Variants in TAS1R3 observed in about 807,000 individuals in gnomAD.
TAS1R3 encodes the protein taste 1 receptor member 3, also known as taste receptor type 1 member 3.
In TAS1R3, 58 loss-of-function variants were observed where a neutral mutation model predicts 46.1. The ratio of observed to expected loss-of-function variants is 1.26; its 90% CI spans 1.02 to 1.57. The LOEUF (loss-of-function observed/expected upper bound fraction) is 1.57. Ranked by LOEUF, TAS1R3 falls within the 40% of genes most tolerant of loss-of-function variation. TAS1R3 has a pLI of 0.00. For missense variants in TAS1R3, 1,422 were observed against 1,185.8 expected (o/e 1.20, Z -2.93); for synonymous variants, 724 against 544.7 (o/e 1.33, Z -4.58).
intron 5 of TAS1R3, 21 bp downstream of exon 5, chr1:1,333,400 G>C: frequency 6.2e-7 from 1 of 1,611,460 alleles, no homozygotes; most frequent in South Asian, 1.1e-5. Flanking sequence ...TTCCCGGCAG[G>C]CGGGGGTGGG....
At position 1,332,112 on chromosome 1, in the gene TAS1R3, T is replaced by C; in HGVS notation, c.581T>C (p.Leu194Pro). ...ACCGTGCCCAGCGACCGTGTGCAGC[T>C]GACGGCCGCCGCGGAGCTGCTGCAG... is the stretch of plus-strand genomic sequence containing the variant. The part of the protein sequence containing the change: ...FRTVPSDRVQ[L>P]TAAAELLQEF... Residue 194 changes from leucine to proline, a missense_variant, in exon 3 of 6, where the codon CTG becomes CCG. Leu to Pro is a moderately conservative substitution (Grantham distance 98). Transcript: ENST00000339381. The C allele has an allele frequency of 4.4e-6, 7 of 1,600,184 alleles. No individual in the cohort carries two copies. The highest frequency in any genetic ancestry group is 5.9e-6 in the Non-Finnish European group (7 of 1,179,782).
chr1:1,334,677 C>G lies in TAS1R3; in HGVS notation c.*213C>G, dbSNP rs552720545. 102 of 584,504 alleles carry G rather than the reference C, an allele frequency of 1.7e-4. No homozygotes were observed. The African/African-American group carries it at 1.8e-3, about 11-fold the overall frequency. 36.2% of individuals were successfully genotyped at this position (584,504 alleles called of 1,614,324 possible). On this transcript the variant is annotated 3_prime_UTR_variant, in exon 6 of 6. Coordinates refer to ENST00000339381, the MANE Select transcript of TAS1R3 (RefSeq NM_152228.3). ...CCCAGAGCCAAGCTGTGTCCCTGTC[C>G]CTCTGTGCCCAGACCAGGCCTGCCC...
In TAS1R3 at chr1:1,334,777, C is replaced by A; in HGVS notation, c.*313C>A. On this transcript the variant is annotated 3_prime_UTR_variant, in exon 6 of 6. Coordinates refer to ENST00000339381, the MANE Select transcript of TAS1R3 (RefSeq NM_152228.3). ...GTACCCGCAACCCACACCGTGAGCTCAGGAAAAGGACGCAGGGAGGCCCCG... is the reference window on the plus strand; with the variant it reads ...GTACCCGCAACCCACACCGTGAGCTAAGGAAAAGGACGCAGGGAGGCCCCG... 6.7e-6 allele frequency: 2 copies of A among 298,332 alleles called. No homozygotes were observed. The highest frequency in any genetic ancestry group is 1.6e-4 in the South Asian group (2 of 12,316). 18.5% of individuals were successfully genotyped at this position (298,332 alleles called of 1,614,324 possible).
Position 1,332,564 on chromosome 1 carries a change from G to A in TAS1R3, c.1033G>A (p.Ala345Thr). The A allele has an allele frequency of 1.2e-6, 2 of 1,611,690 alleles. No homozygotes were observed. Among genetic ancestry groups the A allele is most frequent in the Non-Finnish European group, 8.5e-7 (1 of 1,179,952 alleles). ...PQYVKTHLAL[A>T]TDPAFCSALG... ...GTACGTGAAGACGCACCTGGCCCTG[G>A]CCACCGACCCGGCCTTCTGCTCTGC... Residue 345 changes from alanine (A) to threonine (T), a missense_variant, in exon 3 of 6, where the codon GCC becomes ACC. Transcript: ENST00000339381.
At position 1,334,902 on chromosome 1, in the gene TAS1R3, C is replaced by T. The variant is rs1643522956; in HGVS notation, c.*438C>T. On this transcript the variant is annotated 3_prime_UTR_variant, in exon 6 of 6. Transcript: ENST00000339381. ...GCCAGGCACCACAGCAGTGGGAGGC[C>T]AGGTGGGGGCACACAGGCATATGCC... 1 of 164,706 alleles carries T rather than the reference C, an allele frequency of 6.1e-6. No homozygotes were observed. Among genetic ancestry groups the T allele is most frequent in the Admixed American group, 6.0e-5 (1 of 16,704 alleles). The allele number at this position is 164,706 out of a possible 1,614,324, so 10.2% of individuals were successfully genotyped here.
Position 1,333,372 on chromosome 1 carries a change from A to T in TAS1R3, c.1593A>T (p.Gln531His). 6.2e-7 allele frequency: 1 copy of T among 1,611,762 alleles called. No homozygotes were observed. Among genetic ancestry groups the T allele is most frequent in the Non-Finnish European group, 8.5e-7 (1 of 1,179,598 alleles). The change falls in exon 5 of 6, where the codon CAA (glutamine) becomes CAT (histidine). Residue 531 changes from glutamine to histidine, a missense_variant. Transcript: ENST00000339381. ...ACTGCGAGGCGGGCAGCTACCGGCA[A>T]AACCCAGGTGAGCCGCCTTCCCGGC... ...CVDCEAGSYR[Q>H]NPDDIACTFC...
rs375821451 is a variant in TAS1R3 at position 1,331,624 on chromosome 1, C to G, written c.192-14C>G. 5.3e-4 allele frequency: 850 copies of G among 1,607,784 alleles called. 1 individual carries two copies. The highest frequency in any genetic ancestry group is 6.5e-4 in the Non-Finnish European group (767 of 1,176,338). ...GGGGCCGAGGTGGCCATCTGCGGTTCTGTGTGGCCCCAGGTTCTCCTCAAA... is the reference window on the plus strand; with the variant it reads ...GGGGCCGAGGTGGCCATCTGCGGTTGTGTGTGGCCCCAGGTTCTCCTCAAA... On this transcript the variant is annotated splice_polypyrimidine_tract_variant and intron_variant, in intron 1 of 5. Coordinates refer to ENST00000339381, the MANE Select transcript of TAS1R3 (RefSeq NM_152228.3).
At position 1,331,597 on chromosome 1, in the gene TAS1R3, C is replaced by G. The variant is rs1643427712; in HGVS notation, c.192-41C>G. ...TGACCAGGTCTGGGGTGCTCCTGAGCTGGGGCCGAGGTGGCCATCTGCGGT... is the reference window on the plus strand; with the variant it reads ...TGACCAGGTCTGGGGTGCTCCTGAGGTGGGGCCGAGGTGGCCATCTGCGGT... On this transcript the variant is annotated intron_variant, in intron 1 of 5. Transcript: ENST00000339381. The G allele has an allele frequency of 2.5e-6, 4 of 1,604,746 alleles. No individual in the cohort carries two copies. The South Asian group carries it at 3.3e-5, about 13-fold the overall frequency.
In TAS1R3 at chr1:1,334,288, A is replaced by C; in HGVS notation, c.2383A>C (p.Met795Leu). Residue 795 changes from methionine (M) to leucine (L), a missense_variant, in exon 6 of 6, where the codon ATG becomes CTG. Met to Leu is a conservative substitution (Grantham distance 15). Coordinates refer to ENST00000339381, the MANE Select transcript of TAS1R3 (RefSeq NM_152228.3). The stretch of plus-strand genomic sequence containing the variant: ...GGTGGTCCTCAGGCCCGCCGTGCAG[A>C]TGGGCGCCCTCCTGCTCTGTGTCCT... ...VQVVLRPAVQ[M>L]GALLLCVLGI... 1 of 1,611,792 alleles carries C rather than the reference A, an allele frequency of 6.2e-7. No homozygotes were observed. Among genetic ancestry groups the C allele is most frequent in the Non-Finnish European group, 8.5e-7 (1 of 1,179,222 alleles).
In TAS1R3 at chr1:1,334,152, C is replaced by A. The variant is rs1053089249; in HGVS notation, c.2247C>A (p.Phe749Leu). ...CCTTTCTCTGCTTCCTGGGCACTTT[C>A]CTGGTGCGGAGCCAGCCGGGCTGCT... is the stretch of plus-strand genomic sequence containing the variant. ...TLAFLCFLGT[F>L]LVRSQPGCYN... The change falls in exon 6 of 6, where the codon TTC (phenylalanine) becomes TTA (leucine). Residue 749 changes from phenylalanine to leucine, a missense_variant. Phe to Leu is a conservative substitution (Grantham distance 22). Transcript: ENST00000339381. 14 of 1,584,450 alleles carry A rather than the reference C, an allele frequency of 8.8e-6. No homozygotes were observed. Among genetic ancestry groups the A allele is most frequent in the Non-Finnish European group, 1.2e-5 (14 of 1,165,268 alleles).
At position 1,334,267 on chromosome 1, in the gene TAS1R3, G is replaced by A. The variant is rs1643505088; in HGVS notation, c.2362G>A (p.Val788Ile). 3.7e-6 allele frequency: 6 copies of A among 1,611,934 alleles called. No individual in the cohort carries two copies. In the South Asian group the frequency reaches 4.4e-5, roughly 12 times the overall value. The stretch of plus-strand genomic sequence containing the variant: ...GCCCCTCCTGGCCAATGTGCAGGTG[G>A]TCCTCAGGCCCGCCGTGCAGATGGG... Reference protein sequence around the residue: ...FVPLLANVQVVLRPAVQMGAL... With the variant: ...FVPLLANVQVILRPAVQMGAL... Residue 788 changes from valine to isoleucine, a missense_variant, in exon 6 of 6, where the codon GTC (valine) becomes ATC (isoleucine). By Grantham distance (29) the Val-to-Ile change is conservative. Transcript: ENST00000339381.
chr1:1,334,467 C>A lies in TAS1R3; in HGVS notation c.*3C>A. 6.5e-7 allele frequency: 1 copy of A among 1,539,776 alleles called. No homozygotes were observed. The highest frequency in any genetic ancestry group is 8.8e-7 in the Non-Finnish European group (1 of 1,141,224). ...GAAATCAGGGGAAACATGAGTGACC[C>A]AACCCTGTGATCTCAGCCCCGGTGA... is the stretch of plus-strand genomic sequence containing the variant. On this transcript the variant is annotated 3_prime_UTR_variant, in exon 6 of 6. Coordinates refer to ENST00000339381, the MANE Select transcript of TAS1R3 (RefSeq NM_152228.3).
rs1489444971 is a variant in TAS1R3 at position 1,331,804 on chromosome 1, G to A, written c.358G>A (p.Ala120Thr). 3 of 1,612,732 alleles carry A rather than the reference G, an allele frequency of 1.9e-6. No homozygotes were observed. The East Asian group carries it at 6.7e-5, about 36-fold the overall frequency. The change falls in exon 2 of 6, where the codon GCA (alanine) becomes ACA (threonine). Residue 120 changes from alanine to threonine, a missense_variant. Physicochemically the swap from Ala to Thr is moderately conservative, Grantham distance 58 (BLOSUM62 0). Coordinates refer to ENST00000339381, the MANE Select transcript of TAS1R3 (RefSeq NM_152228.3). ...GCCCAGCCTCATGTTCCTGGCCAAG[G>A]CAGGCAGCCGCGACATCGCCGCCTA... is the stretch of plus-strand genomic sequence containing the variant. ...MKPSLMFLAKAGSRDIAAYCN... is the reference protein window; with the variant it reads ...MKPSLMFLAKTGSRDIAAYCN...
At position 1,331,438 on chromosome 1, in the gene TAS1R3, G is replaced by A. The variant is rs1426033659; in HGVS notation, c.93G>A (p.Met31Ile). Residue 31 changes from methionine (M) to isoleucine (I), a missense_variant, in exon 1 of 6, where the codon ATG (methionine) becomes ATA (isoleucine). Met to Ile is a conservative substitution (Grantham distance 10, BLOSUM62 1). Coordinates refer to ENST00000339381, the MANE Select transcript of TAS1R3 (RefSeq NM_152228.3). ...APLCLSQQLR[M>I]KGDYVLGGLF... is the part of the protein sequence containing the mutation. ...TGTGCCTGTCACAGCAACTTAGGAT[G>A]AAGGGGGACTACGTGCTGGGGGGGC... 2 of 1,604,578 alleles carry A rather than the reference G, an allele frequency of 1.2e-6. No individual in the cohort carries two copies. The highest frequency in any genetic ancestry group is 4.5e-5 in the East Asian group (2 of 44,814).
rs1240809133 is a variant in TAS1R3 at position 1,335,303 on chromosome 1, T to C, written c.*839T>C. The C allele has an allele frequency of 1.3e-5, 2 of 152,238 alleles. No homozygotes were observed. Among genetic ancestry groups the C allele is most frequent in the Non-Finnish European group, 2.9e-5 (2 of 68,060 alleles). 9.4% of individuals were successfully genotyped at this position (152,238 alleles called of 1,614,324 possible). A position where few individuals can be genotyped will look rare whatever the true frequency, so the allele number is the denominator to read the frequency against. On this transcript the variant is annotated 3_prime_UTR_variant, in exon 6 of 6. Transcript: ENST00000339381. The stretch of plus-strand genomic sequence containing the variant: ...TCCCATAAAATTAAACGCTTTTTAG[T>C]GTTTAAAATAAGCAGCATTTACACA...
At position 1,331,383 on chromosome 1, in the gene TAS1R3, C is replaced by T; in HGVS notation, c.38C>T (p.Ala13Val). The change falls in exon 1 of 6, where the codon GCT becomes GTT. Residue 13 changes from alanine (A) to valine (V), a missense_variant. Ala to Val is a moderately conservative substitution (Grantham distance 64). Transcript: ENST00000339381. Reference sequence around the variant, plus strand: ...GCTGTCCTGGGCCTCAGCCTCTGGGCTCTCCTGCACCCTGGGACGGGGGCC... The same window carrying T: ...GCTGTCCTGGGCCTCAGCCTCTGGGTTCTCCTGCACCCTGGGACGGGGGCC... ...GPAVLGLSLW[A>V]LLHPGTGAPL... 6.2e-7 allele frequency: 1 copy of T among 1,600,924 alleles called. No individual in the cohort carries two copies. Among genetic ancestry groups the T allele is most frequent in the South Asian group, 1.1e-5 (1 of 89,934 alleles).
In TAS1R3 at chr1:1,332,794, G is replaced by A. The variant is rs1181138761; in HGVS notation, c.1263G>A (p.Val421=). The A allele has an allele frequency of 8.7e-6, 14 of 1,604,772 alleles. No homozygotes were observed. The East Asian group carries it at 2.9e-4, about 33-fold the overall frequency. ...NASGCPAQDP[V]KPWQLLENMY... is the part of the protein sequence containing the mutation. ...CAGGCTGCCCCGCGCAGGACCCCGT[G>A]AAGCCCTGGCAGGTGAGCCCGGGAG... is the stretch of plus-strand genomic sequence containing the variant. Residue 421 remains valine (V), a synonymous_variant, in exon 3 of 6, where the codon GTG becomes GTA. Transcript: ENST00000339381.
rs1199705053 is a variant in TAS1R3 at position 1,331,772 on chromosome 1, C to T, written c.326C>T (p.Ala109Val). The change falls in exon 2 of 6, where the codon GCC (alanine) becomes GTC (valine). Residue 109 changes from alanine to valine, a missense_variant. Coordinates refer to ENST00000339381, the MANE Select transcript of TAS1R3 (RefSeq NM_152228.3). ...LFDTCSEPVVAMKPSLMFLAK... is the reference protein window; with the variant it reads ...LFDTCSEPVVVMKPSLMFLAK... ...GATACGTGCTCGGAGCCTGTGGTGG[C>T]CATGAAGCCCAGCCTCATGTTCCTG... 2.5e-6 allele frequency: 4 copies of T among 1,612,784 alleles called. No homozygotes were observed. The Admixed American group carries it at 5.0e-5, about 20-fold the overall frequency.
Position 1,333,917 on chromosome 1 carries a change from G to T in TAS1R3, c.2012G>T (p.Arg671Leu). 3 of 1,600,992 alleles carry T rather than the reference G, an allele frequency of 1.9e-6. No individual in the cohort carries two copies. The highest frequency in any genetic ancestry group is 2.5e-6 in the Non-Finnish European group (3 of 1,179,780). Residue 671 changes from arginine (R) to leucine (L), a missense_variant, in exon 6 of 6, where the codon CGG becomes CTG. Coordinates refer to ENST00000339381, the MANE Select transcript of TAS1R3 (RefSeq NM_152228.3). ...GAACTGCCTCTGAGCTGGGCAGACC[G>T]GCTGAGTGGCTGCCTGCGGGGGCCC... ...ESELPLSWAD[R>L]LSGCLRGPWA...
Sources: gnomAD v4.1 joint callset for allele counts on GRCh38, gnomAD v4.1.1 for gene constraint, MANE v1.5 for transcripts, NCBI Gene and HGNC (gene_info 2026-07-23, HGNC 2026-07-21) for gene names.